MFHAS1: variants seen among roughly 807,000 people sequenced by gnomAD.
The protein encoded by MFHAS1 is malignant fibrous histiocytoma-amplified sequence 1.
In MFHAS1, 50 loss-of-function variants were observed where a neutral mutation model predicts 70.4. The observed-to-expected ratio is 0.71, with a 90% CI of 0.57 to 0.90. The LOEUF (loss-of-function observed/expected upper bound fraction) is 0.90, where lower values mean the gene tolerates loss of function less well. Among genes scored for constraint, MFHAS1 ranks in the 40% least tolerant of loss-of-function variants. The pLI, the probability that MFHAS1 is intolerant of heterozygous loss-of-function variation, is 0.00. For missense variants in MFHAS1, 1,795 were observed against 1,347.6 expected (o/e 1.33, Z -5.20); for synonymous variants, 952 against 620.0 (o/e 1.54, Z -7.96).
At chr8:8,830,755 G>A (rs371084345) in intron 1 of MFHAS1, among the ~76,000 whole-genome samples, 2 of 152,176 alleles carry the variant, frequency 1.3e-5, no homozygotes, top group African/African-American at 4.8e-5. Context: ...GCACCACCAT[G>A]CCCGGCTAAT....
chr8:8,816,753 A>T (rs950743692), intron 1 of MFHAS1, among the ~76,000 whole-genome samples: 1 of 152,246 alleles, frequency 6.6e-6, no homozygotes, highest in Non-Finnish European at 1.5e-5. Flanking sequence ...AGGTCAAAGT[A>T]GTTAAACATA....
At chr8:8,884,376 A>G (rs1007204621) in intron 1 of MFHAS1, among the ~76,000 whole-genome samples, 7 of 152,230 alleles carry the variant, frequency 4.6e-5, no homozygotes, top group African/African-American at 1.4e-4. Context: ...GCTTAACCAA[A>G]GAGATATTGA....
At chr8:8,870,773 C>T (rs1809045923) in intron 1 of MFHAS1, among the ~76,000 whole-genome samples, 1 of 152,240 alleles carries the variant, frequency 6.6e-6, no homozygotes, top group Non-Finnish European at 1.5e-5. Flanking sequence ...CTTCCCTGGA[C>T]TGCAGCTTCC....
chr8:8,798,036 T>C (rs962477098), intron 1 of MFHAS1, among the ~76,000 whole-genome samples: 2 of 152,210 alleles, frequency 1.3e-5, no homozygotes, highest in Non-Finnish European at 2.9e-5. Context: ...CTGATAGGTA[T>C]GTGTGAAGCA....
rs1337314377 is a variant in MFHAS1 at position 8,797,354 on chromosome 8, T to C, written c.3125+11A>G. The C allele has an allele frequency of 1.2e-6, 2 of 1,613,082 alleles. No individual in the cohort carries two copies. The highest frequency in any genetic ancestry group is 1.7e-6 in the Non-Finnish European group (2 of 1,179,328). ...CCAGGTCCCGGGGCCAGAGGGACTT[T>C]GAGAACTCACTTGGAACAGGGGCTG... is the stretch of plus-strand genomic sequence containing the variant. On this transcript the variant is annotated intron_variant, in intron 2 of 2. Coordinates refer to ENST00000276282, the MANE Select transcript of MFHAS1 (RefSeq NM_004225.3).
chr8:8,854,684 CAAAA>C (rs34792841), intron 1 of MFHAS1, among the ~76,000 whole-genome samples: 1 of 139,996 alleles, frequency 7.1e-6, no homozygotes, highest in South Asian at 2.2e-4. Context: ...GACTTTGTCT[CAAAA>C]AAAAAAAAAG....
At chr8:8,868,453 C>T (rs1442912199) in intron 1 of MFHAS1, among the ~76,000 whole-genome samples, 1 of 150,870 alleles carries the variant, frequency 6.6e-6, no homozygotes, top group Non-Finnish European at 1.5e-5. Flanking sequence ...AAACTGATTA[C>T]CTAGTGCCAC....
chr8:8,865,858 T>TA (rs1421277743), intron 1 of MFHAS1, among the ~76,000 whole-genome samples: 1 of 152,242 alleles, frequency 6.6e-6, no homozygotes, highest in Non-Finnish European at 1.5e-5. Context: ...AAGTGGTGTC[T>TA]ATTATTTCTC....
chr8:8,821,558 C>G (rs570836803), intron 1 of MFHAS1, among the ~76,000 whole-genome samples: 1 of 152,216 alleles, frequency 6.6e-6, no homozygotes, highest in Non-Finnish European at 1.5e-5. Context: ...TATGCCAGAA[C>G]TTCACATTTT....
In MFHAS1 at chr8:8,891,847, C is replaced by T. The variant is rs752140202; in HGVS notation, c.1212G>A (p.Pro404=). 5.6e-6 allele frequency: 9 copies of T among 1,612,656 alleles called. No homozygotes were observed. In the Admixed American group the frequency reaches 1.2e-4, roughly 21 times the overall value. Residue 404 remains proline (P), a synonymous_variant, in exon 1 of 3, where the codon CCG becomes CCA. Coordinates refer to ENST00000276282, the MANE Select transcript of MFHAS1 (RefSeq NM_004225.3). The surrounding 1 kb of genome is among the most constrained non-coding windows in gnomAD (Gnocchi z 5.4). ...AYQKELAHSQ[P]AVQPRLKLLL... ...GCAGCTTGAGCCGGGGCTGCACCGC[C>T]GGCTGGGAATGAGCCAGTTCCTTCT... is the stretch of plus-strand genomic sequence containing the variant.
At chr8:8,804,524 C>A (rs939135787) in intron 1 of MFHAS1, among the ~76,000 whole-genome samples, 3 of 152,202 alleles carry the variant, frequency 2.0e-5, no homozygotes. Flanking sequence ...ATAAACCAGG[C>A]CAGTTGGGGC....
chr8:8,798,746 C>T (rs1442348971), intron 1 of MFHAS1, among the ~76,000 whole-genome samples: 1 of 152,128 alleles, frequency 6.6e-6, no homozygotes, highest in Admixed American at 6.5e-5. Flanking sequence ...CTACTGCTGA[C>T]TTGAAATTCT....
intron 1 of MFHAS1, among the ~76,000 whole-genome samples, chr8:8,827,464 G>GA (rs1257872531): frequency 6.6e-6 from 1 of 152,214 alleles, no homozygotes; most frequent in African/African-American, 2.4e-5. Flanking sequence ...TTTCACAGAT[G>GA]AAAACAATGA....
At chr8:8,867,867 A>G (rs1386676281) in intron 1 of MFHAS1, among the ~76,000 whole-genome samples, 4 of 152,114 alleles carry the variant, frequency 2.6e-5, no homozygotes, top group South Asian at 4.1e-4. Flanking sequence ...ATAAATTGCT[A>G]TACTTTTTTA....
intron 1 of MFHAS1, among the ~76,000 whole-genome samples, chr8:8,835,325 A>C (rs964408966): frequency 6.6e-6 from 1 of 152,208 alleles, no homozygotes; most frequent in Admixed American, 6.5e-5. Context: ...TAAATACTGC[A>C]AGAAAAGTTT....
Position 8,874,394 on chromosome 8 carries a change from GGTTCTAACT to G in MFHAS1, c.2998+15658_2998+15666del, listed in dbSNP as rs1366095473. 4.0e-5 allele frequency among the ~76,000 whole-genome samples: 6 copies of G among 149,748 alleles called. No homozygotes were observed. In the East Asian group the frequency reaches 1.2e-3, roughly 29 times the overall value. On this transcript the variant is annotated intron_variant, in intron 1 of 2. Coordinates refer to ENST00000276282, the MANE Select transcript of MFHAS1 (RefSeq NM_004225.3). ...CACACATAATAATCTTCTATAACAGGGTTCTAACTGTTCATATGGAGGCATCTCAAAAAT... is the reference window on the plus strand; with the variant it reads ...CACACATAATAATCTTCTATAACAGGGTTCATATGGAGGCATCTCAAAAAT...
intron 1 of MFHAS1, among the ~76,000 whole-genome samples, chr8:8,809,273 C>A (rs1032591914): frequency 1.3e-5 from 2 of 152,120 alleles, no homozygotes; most frequent in Non-Finnish European, 2.9e-5. Flanking sequence ...AAATGTAATG[C>A]ACTTGAATCA....
intron 1 of MFHAS1, among the ~76,000 whole-genome samples, chr8:8,855,560 G>A (rs569438452): frequency 3.7e-4 from 57 of 152,164 alleles, no homozygotes; most frequent in African/African-American, 1.3e-3. Flanking sequence ...TCATGAACTC[G>A]CTACAGTGTT....
chr8:8,874,520 T>G (rs958847475), intron 1 of MFHAS1, among the ~76,000 whole-genome samples: 1 of 152,184 alleles, frequency 6.6e-6, no homozygotes, highest in Admixed American at 6.5e-5. Context: ...TGCTTTATTT[T>G]CCCTGGAAGA....
Sources: allele counts gnomAD v4.1 joint callset (sites outside exome capture counted in the v4.1 genomes callset), GRCh38; gene constraint gnomAD v4.1.1; non-coding constraint Gnocchi (gnomAD v3.1); transcripts MANE v1.5; gene names NCBI Gene and HGNC (gene_info 2026-07-23, HGNC 2026-07-21).